Variants in SLIT1 observed in about 807,000 individuals in gnomAD.
The protein encoded by SLIT1 is slit homolog 1 protein.
A neutral mutation model predicts 186.1 loss-of-function variants in SLIT1; 66 were observed. The ratio of observed to expected loss-of-function variants is 0.35; its 90% CI spans 0.29 to 0.44. The LOEUF (loss-of-function observed/expected upper bound fraction) is 0.44. SLIT1 is among the 20% of genes least tolerant of loss of function. SLIT1 has a pLI of 1.00. For synonymous variants in SLIT1, 761 were observed against 833.8 expected, an observed-to-expected ratio of 0.91 and a Z score of 1.50; for missense variants, 1,638 against 2,037.4, an observed-to-expected ratio of 0.80 and a Z score of 3.77.
chr10:97,142,714 T>C (rs1379926890), intron 4 of SLIT1, among the ~76,000 whole-genome samples: 1 of 152,202 alleles, frequency 6.6e-6, no homozygotes. Context: ...TTGCAAATCA[T>C]ATCTCTGATA....
At chr10:97,172,965 AAGAG>A (rs1170851405) in intron 1 of SLIT1, among the ~76,000 whole-genome samples, 10 of 151,176 alleles carry the variant, frequency 6.6e-5, no homozygotes, top group East Asian at 1.9e-4. Flanking sequence ...GAAGTTTAGA[AAGAG>A]AGAGAGAGGA....
Position 97,018,967 on chromosome 10 carries a change from C to T in SLIT1, c.2871+16G>A, listed in dbSNP as rs762481446. 6.5e-7 allele frequency: 1 copy of T among 1,528,816 alleles called. No homozygotes were observed. Among genetic ancestry groups the T allele is most frequent in the Admixed American group, 1.7e-5 (1 of 59,634 alleles). 94.7% of individuals were successfully genotyped at this position (1,528,816 alleles called of 1,614,324 possible). ...ACGAAGAGCCCTCCTCCTCCCCGGC[C>T]TCTGCCTCCACTCACCTTATAGCCG... On this transcript the variant is annotated intron_variant, in intron 27 of 36. Transcript: ENST00000266058.
intron 8 of SLIT1, among the ~76,000 whole-genome samples, chr10:97,063,137 C>G (rs1054220436): frequency 6.6e-6 from 1 of 151,880 alleles, no homozygotes; most frequent in African/African-American, 2.4e-5. Flanking sequence ...GTGGACAAGG[C>G]AATGAGGGGA....
rs751539002 is a variant in SLIT1 at position 97,166,560 on chromosome 10, A to AAG, written c.198-1671_198-1670insCT. Among the ~76,000 whole-genome samples the AAG allele has an allele frequency of 4.3e-4, 20 of 46,772 alleles. 1 individual carries two copies. The East Asian group carries it at 5.5e-3, about 13-fold the overall frequency. The allele number at this position is 46,772 out of a possible 152,430, so 30.7% of individuals were successfully genotyped here. A position where few individuals can be genotyped will look rare whatever the true frequency, so the allele number is the denominator to read the frequency against. On this transcript the variant is annotated intron_variant, in intron 1 of 36. Coordinates refer to ENST00000266058, the MANE Select transcript of SLIT1 (RefSeq NM_003061.3). ...GAAGGAAGGAAGGAAGGAAGGAAAG[A>AAG]GAGAGAGAGAGAAAGAAAGAAAGAA...
In SLIT1 at chr10:97,006,190, A is replaced by C. The variant is rs1848358044; in HGVS notation, c.3579+293T>G. On this transcript the variant is annotated intron_variant, in intron 32 of 36. Transcript: ENST00000266058. This position sits in a 1 kb window ranked among gnomAD's most constrained non-coding sequence, Gnocchi z 4.0. ...GCAGCACTGGAGGCAGACACTGAGG[A>C]GTAGCTGGGACAAGAAATGGTGGGA... Among the ~76,000 whole-genome samples the C allele has an allele frequency of 6.6e-6, 1 of 152,176 alleles. No individual in the cohort carries two copies. The highest frequency in any genetic ancestry group is 1.5e-5 in the Non-Finnish European group (1 of 68,024).
chr10:97,101,514 G>A (rs12569516), intron 4 of SLIT1: 1 of 152,262 alleles, frequency 6.6e-6, no homozygotes, highest in African/African-American at 2.4e-5. Context: ...GAGAGGTCAA[G>A]TGCCTTCTCT....
At chr10:97,166,331 AT>A (rs1446444496) in intron 1 of SLIT1, among the ~76,000 whole-genome samples, 1 of 151,728 alleles carries the variant, frequency 6.6e-6, no homozygotes, top group African/African-American at 2.4e-5. Context: ...CCTGGCCAAC[AT>A]GTTGAAACCC....
intron 4 of SLIT1, among the ~76,000 whole-genome samples, chr10:97,080,692 G>A (rs1468206736): frequency 6.6e-6 from 1 of 152,258 alleles, no homozygotes; most frequent in South Asian, 2.1e-4. Flanking sequence ...TTAAACTGCT[G>A]TAATAAAGAC....
chr10:97,089,605 C>T (rs1334020198), intron 4 of SLIT1, among the ~76,000 whole-genome samples: 1 of 152,184 alleles, frequency 6.6e-6, no homozygotes, highest in African/African-American at 2.4e-5. Flanking sequence ...GGAATTCTGG[C>T]CGCTGCAGCC....
At chr10:97,028,071 A>G (rs1848561708) in intron 25 of SLIT1, among the ~76,000 whole-genome samples, 1 of 152,186 alleles carries the variant, frequency 6.6e-6, no homozygotes, top group African/African-American at 2.4e-5. Context: ...GACAAGCACA[A>G]ATGCACTCTG....
intron 5 of SLIT1, 114 bp from the exon 6 acceptor site, chr10:97,064,990 G>T: frequency 1.4e-6 from 1 of 692,158 alleles, no homozygotes; most frequent in Non-Finnish European, 2.4e-6. Flanking sequence ...CTAGCCGTTT[G>T]TTATGTGTAT....
intron 22 of SLIT1, among the ~76,000 whole-genome samples, chr10:97,036,480 A>G (rs546825289): frequency 6.6e-6 from 1 of 152,364 alleles, no homozygotes; most frequent in Admixed American, 6.5e-5. Flanking sequence ...CAGTCCTTGA[A>G]CTAAATTTCA....
At chr10:97,166,623 G>GAAAGAAAGAAAGAAAA (rs3979552) in intron 1 of SLIT1, among the ~76,000 whole-genome samples, 2 of 42,678 alleles carry the variant, frequency 4.7e-5, no homozygotes, top group African/African-American at 9.6e-5. Context: ...AAGAAAGAAA[G>GAAAGAAAGAAAGAAAA]AGAAAAGAAA....
chr10:97,125,091 G>C (rs1849592670), intron 4 of SLIT1, among the ~76,000 whole-genome samples: 1 of 152,188 alleles, frequency 6.6e-6, no homozygotes, highest in African/African-American at 2.4e-5. Flanking sequence ...GAGGTGTGGA[G>C]AAACAGAGCT....
At chr10:97,072,576 C>T (rs1849009808) in intron 4 of SLIT1, among the ~76,000 whole-genome samples, 1 of 152,182 alleles carries the variant, frequency 6.6e-6, no homozygotes, top group African/African-American at 2.4e-5. Flanking sequence ...TAAGAGATGG[C>T]CCAAAGCTGG....
intron 4 of SLIT1, chr10:97,103,766 T>C (rs1320321104): frequency 6.6e-6 from 1 of 152,218 alleles, no homozygotes; most frequent in African/African-American, 2.4e-5. Context: ...TGAGTGTTGT[T>C]GCCCAGTCAC....
chr10:97,057,178 T>A, intron 12 of SLIT1, 32 bp downstream of exon 12: 2 of 1,590,860 alleles, frequency 1.3e-6, no homozygotes, highest in Non-Finnish European at 1.7e-6. Flanking sequence ...CTTCCCTGGG[T>A]CCCACCCAAG....
chr10:97,103,219 G>T (rs1025571640), intron 4 of SLIT1: 1 of 152,378 alleles, frequency 6.6e-6, no homozygotes, highest in Non-Finnish European at 1.5e-5. Flanking sequence ...GGGGCAATGA[G>T]ATGGGGAGTC....
intron 9 of SLIT1, among the ~76,000 whole-genome samples, 162 bp downstream of exon 9, chr10:97,060,478 G>GA (rs747877928): frequency 1.4e-4 from 21 of 152,314 alleles, no homozygotes; most frequent in Non-Finnish European, 2.9e-4. Flanking sequence ...CCCAGCCCTG[G>GA]ACACAAAGCT....
Sources: gnomAD v4.1 joint callset for allele counts (sites outside exome capture counted in the v4.1 genomes callset) on GRCh38, gnomAD v4.1.1 for gene constraint, Gnocchi (gnomAD v3.1) non-coding constraint, MANE v1.5 for transcripts, NCBI Gene and HGNC (gene_info 2026-07-23, HGNC 2026-07-21) for gene names.